CSMD3: variants seen among roughly 807,000 people sequenced by gnomAD.
CSMD3 encodes CUB and sushi domain-containing protein 3.
In CSMD3, 177 loss-of-function variants were observed where a neutral mutation model predicts 435.2. That is an observed-to-expected ratio of 0.41 (90% confidence interval 0.36 to 0.46). The LOEUF (loss-of-function observed/expected upper bound fraction) is 0.46, where lower values mean the gene tolerates loss of function less well. Among genes scored for constraint, CSMD3 ranks in the 20% least tolerant of loss-of-function variants. CSMD3 has a pLI of 0.34. For missense variants in CSMD3, 4,265 were observed against 4,504.6 expected, an observed-to-expected ratio of 0.95 and a Z score of 1.52; for synonymous variants, 1,656 against 1,520.5, an observed-to-expected ratio of 1.09 and a Z score of -2.07.
At chr8:113,422,637 C>G (rs1325980148) in intron 1 of CSMD3, among the ~76,000 whole-genome samples, 1 of 151,976 alleles carries the variant, frequency 6.6e-6, no homozygotes, top group East Asian at 1.9e-4. Context: ...AGACCCTATC[C>G]TAGGGAGCTG....
At chr8:113,347,108 TAATA>T (rs949827945) in intron 1 of CSMD3, among the ~76,000 whole-genome samples, 8 of 151,982 alleles carry the variant, frequency 5.3e-5, no homozygotes, top group East Asian at 1.9e-4. Context: ...ACATGTCTAT[TAATA>T]AATAAATAAA....
Position 113,380,172 on chromosome 8 carries a change from A to G in CSMD3, c.178+56505T>C, listed in dbSNP as rs1020900994. 2.6e-5 allele frequency among the ~76,000 whole-genome samples: 4 copies of G among 152,212 alleles called. No homozygotes were observed. In the South Asian group the frequency reaches 8.3e-4, roughly 32 times the overall value. ...CCCTCATTAATTAATGAGTAAATAAACTGTTTAACATGTTCATTTTGATAT... is the reference window on the plus strand; with the variant it reads ...CCCTCATTAATTAATGAGTAAATAAGCTGTTTAACATGTTCATTTTGATAT... On this transcript the variant is annotated intron_variant, in intron 1 of 70. Transcript: ENST00000297405.
intron 10 of CSMD3, among the ~76,000 whole-genome samples, chr8:112,871,491 G>A (rs1250023714): frequency 6.6e-6 from 1 of 152,036 alleles, no homozygotes; most frequent in African/African-American, 2.4e-5. Context: ...TTATAAAAAA[G>A]GGAAATGGAA....
chr8:112,250,431 A>G (rs1224901378), intron 63 of CSMD3, among the ~76,000 whole-genome samples: 1 of 151,656 alleles, frequency 6.6e-6, no homozygotes, highest in African/African-American at 2.4e-5. Context: ...GTTTATCCAG[A>G]ACTTGTTATA....
intron 10 of CSMD3, among the ~76,000 whole-genome samples, chr8:112,913,954 T>A (rs982670956): frequency 2.0e-5 from 3 of 151,964 alleles, no homozygotes; most frequent in African/African-American, 7.2e-5. Flanking sequence ...GCATACTTTT[T>A]CGTTGCTGTT....
chr8:112,561,286 G>A (rs1441620579), intron 24 of CSMD3, among the ~76,000 whole-genome samples: 1 of 151,568 alleles, frequency 6.6e-6, no homozygotes, highest in African/African-American at 2.4e-5. Context: ...ATTCAACACT[G>A]CTTGTGAAAT....
At chr8:112,879,454 G>A (rs2081386924) in intron 10 of CSMD3, among the ~76,000 whole-genome samples, 1 of 152,020 alleles carries the variant, frequency 6.6e-6, no homozygotes, top group African/African-American at 2.4e-5. Context: ...TAGCAATTCT[G>A]GTTTCACCCA....
rs11384093 is a variant in CSMD3, at chr8:112,382,291, C to CAAAAAAAA, written c.6031+1268_6031+1275dup. ...AGAGCCAGACCCTGTCTCTAAAATG[C>CAAAAAAAA]AAAAAAAAAAAAAAAATTAATAATA... On this transcript the variant is annotated intron_variant, in intron 37 of 70. Transcript: ENST00000297405. Among the ~76,000 whole-genome samples, 362 of 116,730 alleles carry CAAAAAAAA rather than the reference C, an allele frequency of 3.1e-3. 3 individuals carry two copies. Among genetic ancestry groups the CAAAAAAAA allele is most frequent in the African/African-American group, 0.011 (342 of 30,190 alleles). The allele number at this position is 116,730 out of a possible 152,430, so 76.6% of individuals were successfully genotyped here.
At chr8:112,393,588 T>A (rs1586974951) in intron 35 of CSMD3, among the ~76,000 whole-genome samples, 1 of 152,316 alleles carries the variant, frequency 6.6e-6, no homozygotes, top group Non-Finnish European at 1.5e-5. Context: ...CTAACTCTTC[T>A]TCTTTGCATT....
intron 13 of CSMD3, among the ~76,000 whole-genome samples, chr8:112,729,801 C>A (rs1371518391): frequency 6.6e-6 from 1 of 151,982 alleles, no homozygotes; most frequent in Non-Finnish European, 1.5e-5. Flanking sequence ...CTGGGGCAAC[C>A]ACTATAAACT....
chr8:112,911,843 AAAAT>A (rs2130542736), intron 10 of CSMD3, among the ~76,000 whole-genome samples: 1 of 128,304 alleles, frequency 7.8e-6, no homozygotes, highest in Non-Finnish European at 1.6e-5. Flanking sequence ...CATTATATAT[AAAAT>A]AAATATAAGA....
intron 13 of CSMD3, 62 bp from the exon 14 acceptor site, chr8:112,690,112 C>A (rs2131826380): frequency 4.3e-6 from 5 of 1,169,794 alleles, no homozygotes; most frequent in Non-Finnish European, 6.4e-6. Context: ...ACCCATAATA[C>A]AAGTTAGGTA....
At chr8:113,380,839 T>A (rs1419564238) in intron 1 of CSMD3, among the ~76,000 whole-genome samples, 1 of 152,036 alleles carries the variant, frequency 6.6e-6, no homozygotes, top group Non-Finnish European at 1.5e-5. Context: ...CTTTTCAGAA[T>A]ATGTGATGTG....
intron 32 of CSMD3, among the ~76,000 whole-genome samples, chr8:112,410,003 A>T (rs1832191233): frequency 6.6e-6 from 1 of 151,998 alleles, no homozygotes; most frequent in South Asian, 2.1e-4. Flanking sequence ...TAAATTGTTC[A>T]TTCCATGAGT....
At chr8:112,769,914 T>C (rs1324498725) in intron 13 of CSMD3, among the ~76,000 whole-genome samples, 3 of 152,000 alleles carry the variant, frequency 2.0e-5, no homozygotes, top group Admixed American at 1.3e-4. Flanking sequence ...TAATGTACAA[T>C]AGTGTAAATA....
chr8:112,470,735 C>T (rs536014798), intron 32 of CSMD3, among the ~76,000 whole-genome samples: 6 of 152,054 alleles, frequency 3.9e-5, no homozygotes, highest in Admixed American at 6.5e-5. Flanking sequence ...AAAGAGATTA[C>T]GTAACTTGTC....
chr8:112,815,482 A>G (rs2079347851), intron 12 of CSMD3, among the ~76,000 whole-genome samples: 1 of 152,156 alleles, frequency 6.6e-6, no homozygotes, highest in Admixed American at 6.6e-5. Context: ...TTCATTGTAT[A>G]TATTTAAGAC....
At chr8:113,232,059 G>T (rs2093094631) in intron 3 of CSMD3, among the ~76,000 whole-genome samples, 1 of 151,282 alleles carries the variant, frequency 6.6e-6, no homozygotes, top group South Asian at 2.1e-4. Context: ...AATTCACAAA[G>T]AATTTATACC....
intron 1 of CSMD3, among the ~76,000 whole-genome samples, chr8:113,321,805 A>T (rs1263091112): frequency 6.6e-6 from 1 of 152,134 alleles, no homozygotes; most frequent in Non-Finnish European, 1.5e-5. Context: ...TTTTGTAAAG[A>T]TTTGGGGTGA....
Sources: gnomAD v4.1 joint callset for allele counts (sites outside exome capture counted in the v4.1 genomes callset) on GRCh38, gnomAD v4.1.1 for gene constraint, MANE v1.5 for transcripts, NCBI Gene and HGNC (gene_info 2026-07-23, HGNC 2026-07-21) for gene names.